PPP2R3B: variants seen among roughly 807,000 people sequenced by gnomAD.
The protein encoded by PPP2R3B is protein phosphatase 2 regulatory subunit B''beta.
Under a neutral mutation model 72.9 loss-of-function variants are expected in PPP2R3B, and 68 were observed. The observed-to-expected ratio is 0.93, with a 90% CI of 0.77 to 1.14. PPP2R3B has a LOEUF of 1.14. Among genes scored for constraint, PPP2R3B ranks in the 50% most tolerant of loss-of-function variants. The probability of loss-of-function intolerance (pLI) is 0.00; values close to 1 mark genes in which losing one functional copy is unlikely to be tolerated. For synonymous variants in PPP2R3B, 466 were observed against 375.8 expected (o/e 1.24, Z -2.78); for missense variants, 1,018 against 842.0 (o/e 1.21, Z -2.59).
intron 12 of PPP2R3B, 29 bp downstream of exon 12, chrX:338,575 C>A: frequency 1.2e-5 from 17 of 1,463,902 alleles, no homozygotes; most frequent in African/African-American, 1.5e-5. Context: ...ACTGACCCGT[C>A]CCCCCACTCA....
intron 1 of PPP2R3B, among the ~76,000 whole-genome samples, chrX:385,000 A>AC (rs1411892169): frequency 7.3e-5 from 11 of 151,198 alleles, no homozygotes; most frequent in Admixed American, 6.6e-4. Flanking sequence ...AAAAAAAAAA[A>AC]AAAAAACTGA....
intron 1 of PPP2R3B, among the ~76,000 whole-genome samples, chrX:381,159 C>T (rs910712171): frequency 6.6e-6 from 1 of 152,026 alleles, no homozygotes; most frequent in African/African-American, 2.4e-5. Context: ...AAACTCCTGG[C>T]CTCAAGGGAT....
intron 2 of PPP2R3B, among the ~76,000 whole-genome samples, chrX:353,782 C>CG (rs373796972): frequency 0.021 from 3,134 of 149,400 alleles, 136 homozygotes; most frequent in African/African-American, 0.074. Flanking sequence ...ACCCAAAGAC[C>CG]GGGGCTCACC....
At chrX:363,099 T>C (rs2071576355) in intron 1 of PPP2R3B, among the ~76,000 whole-genome samples, 2 of 152,046 alleles carry the variant, frequency 1.3e-5, no homozygotes, top group South Asian at 4.1e-4. Flanking sequence ...CAGAGCAGGC[T>C]TCCCGCAGTA....
At chrX:383,284 A>G (rs73178063) in intron 1 of PPP2R3B, among the ~76,000 whole-genome samples, 605 of 152,294 alleles carry the variant, frequency 4.0e-3, no homozygotes, top group Non-Finnish European at 6.2e-3. Context: ...AGGCTGGTCC[A>G]TTTTGGCTGG....
intron 7 of PPP2R3B, among the ~76,000 whole-genome samples, chrX:344,595 A>C (rs1167478180): frequency 6.6e-6 from 1 of 152,216 alleles, no homozygotes; most frequent in African/African-American, 2.4e-5. Flanking sequence ...AGGGACAGTG[A>C]GCGCCTGGTT....
Position 339,014 on chromosome X carries a change from C to G in PPP2R3B, c.1352-118G>C, listed in dbSNP as rs2070977537. 33 of 835,684 alleles carry G rather than the reference C, an allele frequency of 3.9e-5. No homozygotes were observed. In the South Asian group the frequency reaches 4.6e-4, roughly 12 times the overall value. 51.8% of individuals were successfully genotyped at this position (835,684 alleles called of 1,614,324 possible). ...AGGACGCGGCACGAAGCTCCGGGCT[C>G]TCACGCCACGTGTTTGACGTGAAAG... is the stretch of plus-strand genomic sequence containing the variant. On this transcript the variant is annotated intron_variant, in intron 10 of 12. Transcript: ENST00000390665.
intron 7 of PPP2R3B, 187 bp downstream of exon 7, chrX:345,329 C>T: frequency 4.6e-6 from 4 of 865,534 alleles, no homozygotes; most frequent in South Asian, 1.4e-5. Flanking sequence ...ACGCGGGGAC[C>T]CAGACACGGG....
At chrX:369,853 C>T (rs905044348) in intron 1 of PPP2R3B, among the ~76,000 whole-genome samples, 1 of 152,236 alleles carries the variant, frequency 6.6e-6, no homozygotes, top group East Asian at 1.9e-4. Context: ...AGCCCCCGCT[C>T]TGCAGCGGCC....
rs778204979 is a variant in PPP2R3B at position 347,369 on chromosome X, A to T, written c.615-33T>A. The stretch of plus-strand genomic sequence containing the variant: ...GACAGGATGACTGGGCACCACCCTC[A>T]CAGGGGGGTGGCTTTCGACCCCGCA... On this transcript the variant is annotated intron_variant, in intron 3 of 12. Transcript: ENST00000390665. 11 of 1,585,912 alleles carry T rather than the reference A, an allele frequency of 6.9e-6. No homozygotes were observed. In the South Asian group the frequency reaches 1.2e-4, roughly 18 times the overall value.
At position 338,912 on chromosome X, in the gene PPP2R3B, T is replaced by A. The variant is rs758788299; in HGVS notation, c.1352-16A>T. ...GTGATCTTCCCTGCGGGGAGGGGAG[T>A]GCGTCCAAGGCGCGTGAGCCCGGTC... is the stretch of plus-strand genomic sequence containing the variant. On this transcript the variant is annotated splice_polypyrimidine_tract_variant and intron_variant, in intron 10 of 12. Coordinates refer to ENST00000390665, the MANE Select transcript of PPP2R3B (RefSeq NM_013239.5). The A allele has an allele frequency of 2.1e-5, 33 of 1,607,876 alleles. No homozygotes were observed. In the South Asian group the frequency reaches 3.5e-4, roughly 17 times the overall value.
At chrX:347,521 C>T in intron 3 of PPP2R3B, 69 bp downstream of exon 3, 1 of 1,493,296 alleles carries the variant, frequency 6.7e-7, no homozygotes, top group Non-Finnish European at 9.1e-7. Context: ...GGCACCCGTC[C>T]TGGCACCACG....
chrX:385,556 G>T (rs2072229348), intron 1 of PPP2R3B, among the ~76,000 whole-genome samples: 1 of 151,940 alleles, frequency 6.6e-6, no homozygotes, highest in Non-Finnish European at 1.5e-5. Flanking sequence ...GGCCGAAGCG[G>T]GAGGATTGCT....
chrX:368,671 C>G (rs113267621), intron 1 of PPP2R3B, among the ~76,000 whole-genome samples: 68 of 12,718 alleles, frequency 5.3e-3, no homozygotes, highest in Admixed American at 0.011. Context: ...GGGCACCGAC[C>G]GGGGGAAGGC....
intron 2 of PPP2R3B, among the ~76,000 whole-genome samples, chrX:356,309 A>G (rs1186280952): frequency 6.6e-6 from 1 of 152,150 alleles, no homozygotes; most frequent in Non-Finnish European, 1.5e-5. Flanking sequence ...TCCACCTCCC[A>G]GGTTCAAGCG....
chrX:386,260 C>T (rs1313502731), intron 1 of PPP2R3B, 108 bp downstream of exon 1: 25 of 939,492 alleles, frequency 2.7e-5, no homozygotes, highest in Non-Finnish European at 3.5e-5. Flanking sequence ...CAATATGAAA[C>T]CGTTTTGGGG....
chrX:350,602 G>A (rs1244570902), intron 2 of PPP2R3B, among the ~76,000 whole-genome samples: 5 of 152,224 alleles, frequency 3.3e-5, no homozygotes, highest in Admixed American at 6.5e-5. Context: ...AAGGGGAAGC[G>A]CCCAGCACTG....
At chrX:364,360 G>A (rs1033873607) in intron 1 of PPP2R3B, among the ~76,000 whole-genome samples, 2 of 151,780 alleles carry the variant, frequency 1.3e-5, no homozygotes, top group Non-Finnish European at 2.9e-5. Context: ...CCAAACTCAC[G>A]GTCACCAGGA....
rs201465106 is a variant in PPP2R3B, at chrX:341,934, G to A, written c.1037-3C>T. On this transcript the variant is annotated splice_polypyrimidine_tract_variant and splice_region_variant and intron_variant, in intron 7 of 12. Coordinates refer to ENST00000390665, the MANE Select transcript of PPP2R3B (RefSeq NM_013239.5). ...GTCTATCATCTTGGTAGAAAGGGCT[G>A]GAAAGGAATGCGGTTGATGGGCAGC... The A allele has an allele frequency of 6.2e-7, 1 of 1,612,684 alleles. No homozygotes were observed. Among genetic ancestry groups the A allele is most frequent in the Admixed American group, 1.7e-5 (1 of 60,026 alleles).
Sources: gnomAD v4.1 joint callset for allele counts (sites outside exome capture counted in the v4.1 genomes callset) on GRCh38, gnomAD v4.1.1 for gene constraint, MANE v1.5 for transcripts, NCBI Gene and HGNC (gene_info 2026-07-23, HGNC 2026-07-21) for gene names.